LRP1B: variants seen among roughly 807,000 people sequenced by gnomAD.
The protein encoded by LRP1B is LDL receptor related protein 1B.
Under a neutral mutation model 556.6 loss-of-function variants are expected in LRP1B, and 217 were observed. The ratio of observed to expected loss-of-function variants is 0.39; its 90% CI spans 0.35 to 0.44. LRP1B has a LOEUF of 0.44. LRP1B is among the 20% of genes least tolerant of loss of function. LRP1B has a pLI of 1.00. For missense variants in LRP1B, 5,053 were observed against 5,620.8 expected, an observed-to-expected ratio of 0.90 and a Z score of 3.23; for synonymous variants, 2,047 against 1,865.8, an observed-to-expected ratio of 1.10 and a Z score of -2.50.
At chr2:141,209,126 A>G (rs1682428673) in intron 6 of LRP1B, among the ~76,000 whole-genome samples, 1 of 152,106 alleles carries the variant, frequency 6.6e-6, no homozygotes, top group African/African-American at 2.4e-5. Context: ...CTCAAATAAA[A>G]TAAGGAAATC....
chr2:141,458,298 A>G (rs545574401), intron 3 of LRP1B, among the ~76,000 whole-genome samples: 23 of 152,304 alleles, frequency 1.5e-4, no homozygotes, highest in African/African-American at 5.3e-4. Context: ...AGAATTCCCA[A>G]TGTAGTCTAG....
intron 43 of LRP1B, among the ~76,000 whole-genome samples, chr2:140,555,830 T>A (rs1022494192): frequency 6.6e-6 from 1 of 152,114 alleles, no homozygotes; most frequent in Non-Finnish European, 1.5e-5. Flanking sequence ...TCCAATTTAT[T>A]TTTTGCTGGC....
At chr2:142,097,127 A>G (rs1423360656) in intron 1 of LRP1B, among the ~76,000 whole-genome samples, 2 of 151,582 alleles carry the variant, frequency 1.3e-5, no homozygotes, top group African/African-American at 4.8e-5. Context: ...TGGGATTCCT[A>G]ATACTTGCAA....
At chr2:140,249,969 T>A (rs760559514) in intron 86 of LRP1B, among the ~76,000 whole-genome samples, 6 of 151,906 alleles carry the variant, frequency 3.9e-5, no homozygotes, top group Non-Finnish European at 7.4e-5. Flanking sequence ...TGCATAACCA[T>A]GCTGACTATA....
chr2:141,008,323 A>G (rs1330701159), intron 14 of LRP1B, among the ~76,000 whole-genome samples: 1 of 151,294 alleles, frequency 6.6e-6, no homozygotes, highest in Admixed American at 6.6e-5. Flanking sequence ...CTCATTTGCA[A>G]GTAGGAATAC....
At chr2:141,930,107 C>T (rs552283329) in intron 1 of LRP1B, among the ~76,000 whole-genome samples, 1 of 151,820 alleles carries the variant, frequency 6.6e-6, no homozygotes, top group Non-Finnish European at 1.5e-5. Flanking sequence ...TTTCCAGGAA[C>T]CCGTGGCACA....
chr2:141,468,937 C>G (rs1023243357), intron 3 of LRP1B, among the ~76,000 whole-genome samples: 1 of 152,142 alleles, frequency 6.6e-6, no homozygotes, highest in East Asian at 1.9e-4. Context: ...GCAGATTGAT[C>G]TCTCTTTGGT....
chr2:141,697,811 TAGA>T lies in LRP1B; in HGVS notation c.205+112465_205+112467del, dbSNP rs1691784368. The stretch of plus-strand genomic sequence containing the variant: ...AGTGGCTACAAATAGCATTCAAAAC[TAGA>T]AGAAGACTAGGTGGTAAAACCCACA... On this transcript the variant is annotated intron_variant, in intron 2 of 90. Transcript: ENST00000389484. Among the ~76,000 whole-genome samples, 9 of 152,082 alleles carry T rather than the reference TAGA, an allele frequency of 5.9e-5. No individual in the cohort carries two copies. The South Asian group carries it at 1.7e-3, about 28-fold the overall frequency.
At chr2:140,650,037 T>G (rs879631720) in intron 41 of LRP1B, among the ~76,000 whole-genome samples, 1 of 152,144 alleles carries the variant, frequency 6.6e-6, no homozygotes, top group Non-Finnish European at 1.5e-5. Flanking sequence ...AATATTTACT[T>G]TTATATTCAA....
At chr2:141,564,399 G>A (rs1574083422) in intron 2 of LRP1B, among the ~76,000 whole-genome samples, 2 of 152,074 alleles carry the variant, frequency 1.3e-5, no homozygotes, top group African/African-American at 4.8e-5. Context: ...GCACGTTGAA[G>A]GACTGAATTT....
intron 41 of LRP1B, among the ~76,000 whole-genome samples, chr2:140,690,865 A>G (rs1290762796): frequency 1.3e-5 from 2 of 152,152 alleles, no homozygotes; most frequent in Non-Finnish European, 2.9e-5. Flanking sequence ...AGACCTTTCC[A>G]GTAGTTGTAA....
At chr2:141,657,537 A>C (rs1410083363) in intron 2 of LRP1B, among the ~76,000 whole-genome samples, 1 of 152,166 alleles carries the variant, frequency 6.6e-6, no homozygotes, top group Non-Finnish European at 1.5e-5. Flanking sequence ...TGTTGAGTTC[A>C]CACTATTGTA....
chr2:141,060,682 G>C (rs1193067785), intron 8 of LRP1B, among the ~76,000 whole-genome samples: 3 of 151,630 alleles, frequency 2.0e-5, no homozygotes, highest in African/African-American at 7.3e-5. Context: ...TAGAAAACAT[G>C]TTCACCCAGT....
At chr2:142,112,290 A>G (rs1707024080) in intron 1 of LRP1B, among the ~76,000 whole-genome samples, 1 of 152,130 alleles carries the variant, frequency 6.6e-6, no homozygotes, top group South Asian at 2.1e-4. Context: ...TGAATATTCT[A>G]TAAGTGACGG....
chr2:140,949,474 T>G (rs1695639974), intron 20 of LRP1B, among the ~76,000 whole-genome samples: 1 of 152,206 alleles, frequency 6.6e-6, no homozygotes, highest in Admixed American at 6.5e-5. Context: ...TTTCTTAGCT[T>G]GTACTCTAGA....
At chr2:141,727,042 A>T (rs973137905) in intron 2 of LRP1B, among the ~76,000 whole-genome samples, 1 of 152,088 alleles carries the variant, frequency 6.6e-6, no homozygotes, top group Non-Finnish European at 1.5e-5. Context: ...CTTATAACTG[A>T]CACAGGAAAA....
chr2:141,165,601 T>C (rs1680216923), intron 7 of LRP1B, among the ~76,000 whole-genome samples: 1 of 151,970 alleles, frequency 6.6e-6, no homozygotes, highest in African/African-American at 2.4e-5. Context: ...ATCATCATCC[T>C]CATCCTTATC....
intron 2 of LRP1B, among the ~76,000 whole-genome samples, chr2:141,739,698 C>A (rs1277831306): frequency 6.7e-6 from 1 of 148,576 alleles, no homozygotes. Flanking sequence ...TTTTTTGCCA[C>A]CATTAATATA....
chr2:140,722,915 C>T (rs547097328), intron 35 of LRP1B, among the ~76,000 whole-genome samples: 5 of 152,028 alleles, frequency 3.3e-5, no homozygotes, highest in African/African-American at 7.2e-5. Context: ...TGTTGGCGGG[C>T]GCCTGTATTC....
Sources: gnomAD v4.1 joint callset for allele counts (sites outside exome capture counted in the v4.1 genomes callset) on GRCh38, gnomAD v4.1.1 for gene constraint, MANE v1.5 for transcripts, NCBI Gene and HGNC (gene_info 2026-07-23, HGNC 2026-07-21) for gene names.